PSAT1: variants seen among roughly 807,000 people sequenced by gnomAD.
PSAT1 encodes phosphoserine aminotransferase.
In PSAT1, 41 loss-of-function variants were observed where a neutral mutation model predicts 40.3. That is an observed-to-expected ratio of 1.02 (90% CI 0.79 to 1.32). PSAT1 has a LOEUF of 1.32. PSAT1 is among the 40% of genes most tolerant of loss of function. The pLI is 0.00. For synonymous variants in PSAT1, 147 were observed against 170.5 expected (o/e 0.86, Z 1.07); for missense variants, 406 against 455.8 (o/e 0.89, Z 0.99).
Position 78,318,997 on chromosome 9 carries a change from T to C in PSAT1, c.869+1193T>C, listed in dbSNP as rs78849342. 3.3e-3 allele frequency among the ~76,000 whole-genome samples: 510 copies of C among 152,310 alleles called. 2 individuals are homozygous for C. Among genetic ancestry groups the C allele is most frequent in the African/African-American group, 0.012 (495 of 41,572 alleles). On this transcript the variant is annotated intron_variant, in intron 7 of 8. Transcript: ENST00000376588. ...AAGACCAGACTTCCTGCTGTGTACA[T>C]GTATGTGCGCCTACACATATACATA...
chr9:78,307,247 G>T (rs1461386694), intron 5 of PSAT1, among the ~76,000 whole-genome samples: 1 of 152,132 alleles, frequency 6.6e-6, no homozygotes, highest in East Asian at 1.9e-4. Context: ...TTCTGTCTCT[G>T]TGAATTTGAC....
intron 1 of PSAT1, among the ~76,000 whole-genome samples, chr9:78,299,491 G>A (rs949515151): frequency 1.1e-5 from 1 of 86,998 alleles, no homozygotes; most frequent in African/African-American, 4.5e-5. Flanking sequence ...AGTCGTCAAG[G>A]CAGTCTTTTT....
chr9:78,311,929 A>C (rs1227700884), intron 6 of PSAT1, among the ~76,000 whole-genome samples: 2 of 152,174 alleles, frequency 1.3e-5, no homozygotes, highest in African/African-American at 2.4e-5. Context: ...TGGAGACATC[A>C]AGATGTGTGC....
At chr9:78,297,356 G>T in intron 1 of PSAT1, 86 bp downstream of exon 1, 3 of 1,449,902 alleles carry the variant, frequency 2.1e-6, no homozygotes, top group African/African-American at 1.4e-5. Context: ...TGTGGCAGTC[G>T]GATTCCCGCT....
rs368397691 is a variant in PSAT1, at chr9:78,297,320, C to T, written c.60+50C>T. 23 of 1,556,980 alleles carry T rather than the reference C, an allele frequency of 1.5e-5. No individual in the cohort carries two copies. In the African/African-American group the frequency reaches 2.7e-4, roughly 18 times the overall value. On this transcript the variant is annotated intron_variant, in intron 1 of 8. Coordinates refer to ENST00000376588, the MANE Select transcript of PSAT1 (RefSeq NM_058179.4). Reference sequence around the variant, plus strand: ...GGAGTGAGGTTCAGGCGGGAGCACGCACGCGGGTGGGTTTGCATCCCTGCG... The same window carrying T: ...GGAGTGAGGTTCAGGCGGGAGCACGTACGCGGGTGGGTTTGCATCCCTGCG...
intron 1 of PSAT1, chr9:78,298,474 G>A: frequency 5.1e-6 from 5 of 971,782 alleles, no homozygotes; most frequent in Non-Finnish European, 6.1e-6. Flanking sequence ...GTAGCTGAGA[G>A]GACAGGGCTT....
chr9:78,325,986 T>G (rs1295303339), intron 7 of PSAT1, among the ~76,000 whole-genome samples: 1 of 152,190 alleles, frequency 6.6e-6, no homozygotes, highest in African/African-American at 2.4e-5. Flanking sequence ...AGCCTCACAT[T>G]GGGAGCCTGA....
At chr9:78,328,019 A>C in intron 7 of PSAT1, 32 bp from the exon 8 acceptor site, 3 of 1,604,162 alleles carry the variant, frequency 1.9e-6, no homozygotes, top group Non-Finnish European at 1.7e-6. Context: ...ACATTTCAGA[A>C]AAGTAGCTGG....
chr9:78,304,348 G>A (rs567209948), intron 3 of PSAT1, among the ~76,000 whole-genome samples: 1 of 152,290 alleles, frequency 6.6e-6, no homozygotes, highest in African/African-American at 2.4e-5. Context: ...AGAAGTTTGA[G>A]TAAAGGTCTC....
At chr9:78,301,178 A>G (rs1467293192) in intron 2 of PSAT1, among the ~76,000 whole-genome samples, 1 of 152,158 alleles carries the variant, frequency 6.6e-6, no homozygotes, top group Non-Finnish European at 1.5e-5. Flanking sequence ...AATAGCATAA[A>G]TGCTGGTGAG....
Position 78,301,146 on chromosome 9 carries a change from G to A in PSAT1, c.121+484G>A, listed in dbSNP as rs556224537. Among the ~76,000 whole-genome samples the A allele has an allele frequency of 2.0e-5, 3 of 152,250 alleles. No individual in the cohort carries two copies. In the South Asian group the frequency reaches 6.2e-4, roughly 32 times the overall value. On this transcript the variant is annotated intron_variant, in intron 2 of 8. Transcript: ENST00000376588. ...TAAACTTTAATAGCTTGGGTTGCATGTCTGATAGAAACCATTTTGAAAATA... is the reference window on the plus strand; with the variant it reads ...TAAACTTTAATAGCTTGGGTTGCATATCTGATAGAAACCATTTTGAAAATA...
chr9:78,316,308 C>T (rs188464172), intron 6 of PSAT1, among the ~76,000 whole-genome samples: 1 of 152,174 alleles, frequency 6.6e-6, no homozygotes, highest in Non-Finnish European at 1.5e-5. Flanking sequence ...CCAGGTGCAG[C>T]TGGACTTCCT....
At chr9:78,313,063 TA>T (rs372249435) in intron 6 of PSAT1, among the ~76,000 whole-genome samples, 145 of 152,266 alleles carry the variant, frequency 9.5e-4, no homozygotes, top group African/African-American at 3.4e-3. Context: ...TTAAAAAATT[TA>T]TAACAGTGAT....
intron 7 of PSAT1, among the ~76,000 whole-genome samples, chr9:78,321,471 C>G (rs1828428173): frequency 6.6e-6 from 1 of 152,170 alleles, no homozygotes. Flanking sequence ...AAGAGGAATA[C>G]CTAGAATTAG....
At chr9:78,305,862 T>C (rs1828174110) in intron 4 of PSAT1, among the ~76,000 whole-genome samples, 1 of 152,144 alleles carries the variant, frequency 6.6e-6, no homozygotes, top group Admixed American at 6.5e-5. Context: ...AACTCAGATA[T>C]CTCCCATGCC....
At chr9:78,326,949 A>ATTT (rs1458600401) in intron 7 of PSAT1, among the ~76,000 whole-genome samples, 3 of 85,534 alleles carry the variant, frequency 3.5e-5, no homozygotes, top group African/African-American at 2.4e-4. Flanking sequence ...ATATATATAT[A>ATTT]TATATATTTT....
Position 78,301,964 on chromosome 9 carries a change from C to T in PSAT1, c.132C>T (p.His44=), listed in dbSNP as rs762717142. Residue 44 remains histidine (H), a synonymous_variant, in exon 3 of 9, where the codon CAC becomes CAT. Coordinates refer to ENST00000376588, the MANE Select transcript of PSAT1 (RefSeq NM_058179.4). ...GVGISVLEMS[H]RSSDFAKIIN... ...TCTTTCCTTTCACAGAAATGAGTCA[C>T]AGGTCATCAGATTTTGCCAAGATTA... 6.2e-7 allele frequency: 1 copy of T among 1,609,120 alleles called. No individual in the cohort carries two copies. Among genetic ancestry groups the T allele is most frequent in the Non-Finnish European group, 8.5e-7 (1 of 1,175,692 alleles).
At chr9:78,313,914 T>A (rs953189059) in intron 6 of PSAT1, among the ~76,000 whole-genome samples, 1 of 152,216 alleles carries the variant, frequency 6.6e-6, no homozygotes, top group Non-Finnish European at 1.5e-5. Context: ...TCCAAAGTGT[T>A]GGGATTACAG....
At chr9:78,324,364 C>T (rs1232835063) in intron 7 of PSAT1, among the ~76,000 whole-genome samples, 2 of 152,044 alleles carry the variant, frequency 1.3e-5, no homozygotes, top group Non-Finnish European at 2.9e-5. Flanking sequence ...TTGGGAAGTG[C>T]GGCTCTTTCC....
Sources: gnomAD v4.1 joint callset for allele counts (sites outside exome capture counted in the v4.1 genomes callset) on GRCh38, gnomAD v4.1.1 for gene constraint, MANE v1.5 for transcripts, NCBI Gene and HGNC (gene_info 2026-07-23, HGNC 2026-07-21) for gene names.